The following CHEK1 variants were observed in gnomAD, a reference collection of about 807,000 sequenced individuals.
The protein encoded by CHEK1 is checkpoint kinase 1.
A neutral mutation model predicts 60.2 loss-of-function variants in CHEK1; 32 were observed. That is an observed-to-expected ratio of 0.53 (90% CI 0.40 to 0.71). CHEK1 has a LOEUF of 0.71. Ranked by LOEUF, CHEK1 falls within the 30% of genes least tolerant of loss-of-function variation. CHEK1 has a pLI of 0.00. For missense variants in CHEK1, 399 were observed against 564.6 expected (o/e 0.71, Z 2.97); for synonymous variants, 179 against 187.2 (o/e 0.96, Z 0.36).
At chr11:125,676,377 A>T (rs753602387), downstream of CHEK1, 1 of 1,614,172 alleles carries the variant, frequency 6.2e-7, no homozygotes, top group South Asian at 1.1e-5. Flanking sequence ...ATCTTCTTTA[A>T]CATGCACTGC....
At chr11:125,672,700 T>C (rs752068303) in intron 13 of CHEK1, 3 of 1,614,044 alleles carry the variant, frequency 1.9e-6, no homozygotes, top group Non-Finnish European at 1.7e-6. Context: ...CCTTGAACCA[T>C]GAATTGGAGT....
chr11:125,676,897 T>C (rs1258749300), downstream of CHEK1, among the ~76,000 whole-genome samples: 4 of 152,176 alleles, frequency 2.6e-5, no homozygotes, highest in African/African-American at 7.2e-5. Flanking sequence ...ATAAGCTATG[T>C]TAGAATGCTC....
chr11:125,665,543 G>A (rs890782178), intron 13 of CHEK1, among the ~76,000 whole-genome samples: 4 of 151,960 alleles, frequency 2.6e-5, no homozygotes, highest in Non-Finnish European at 2.9e-5. Context: ...TGAGTAGTTT[G>A]GGTAGAATTG....
intron 13 of CHEK1, among the ~76,000 whole-genome samples, chr11:125,662,823 C>G (rs1382116286): frequency 6.6e-6 from 1 of 152,146 alleles, no homozygotes; most frequent in East Asian, 1.9e-4. Context: ...AATGGCTGTA[C>G]CATTTTATAT....
At chr11:125,658,685 CTTTTT>C (rs67342073), downstream of CHEK1, among the ~76,000 whole-genome samples, 2,244 of 34,966 alleles carry the variant, frequency 0.064, 142 homozygotes, top group African/African-American at 0.21. Flanking sequence ...ATGGCTTTTG[CTTTTT>C]TTTTTTTTTT....
At chr11:125,678,175 A>T, downstream of CHEK1, 3 of 1,614,206 alleles carry the variant, frequency 1.9e-6, no homozygotes, top group Non-Finnish European at 2.5e-6. Flanking sequence ...AGGCCTGAAG[A>T]AGTCTCATAT....
chr11:125,640,870 C>T (rs986389858), intron 8 of CHEK1, among the ~76,000 whole-genome samples: 1 of 152,166 alleles, frequency 6.6e-6, no homozygotes, highest in Non-Finnish European at 1.5e-5. Context: ...CTTAAGCAAT[C>T]CACCCACCCC....
exon 14 of CHEK1, chr11:125,676,190 G>C (rs1220873059): frequency 6.0e-6 from 5 of 835,324 alleles, no homozygotes; most frequent in Non-Finnish European, 9.0e-6. Flanking sequence ...TTTTAGGTGT[G>C]AGCCACCTCG....
downstream of CHEK1, among the ~76,000 whole-genome samples, chr11:125,677,178 A>G (rs1390849292): frequency 6.6e-6 from 1 of 152,244 alleles, no homozygotes; most frequent in Non-Finnish European, 1.5e-5. Context: ...ATTTAGAATA[A>G]TGATATTTAA....
At chr11:125,659,653 C>A (rs1209131744), downstream of CHEK1, among the ~76,000 whole-genome samples, 1 of 151,920 alleles carries the variant, frequency 6.6e-6, no homozygotes, top group Admixed American at 6.6e-5. Flanking sequence ...TTCTGAATTT[C>A]CAGGCCTTTG....
At chr11:125,647,419 A>G (rs759963381) in intron 11 of CHEK1, among the ~76,000 whole-genome samples, 17 of 150,208 alleles carry the variant, frequency 1.1e-4, no homozygotes, top group Non-Finnish European at 1.8e-4. Flanking sequence ...TTACCACACT[A>G]TGTTGATTAC....
At position 125,655,360 on chromosome 11, in the gene CHEK1, C is replaced by A; in HGVS notation, c.*40C>A. 7.3e-7 allele frequency: 1 copy of A among 1,366,794 alleles called. No individual in the cohort carries two copies. The highest frequency in any genetic ancestry group is 1.0e-6 in the Non-Finnish European group (1 of 959,950). 84.7% of individuals were successfully genotyped at this position (1,366,794 alleles called of 1,614,324 possible). ...CTGGGGAATCCTGGTGAATATAGTG[C>A]TGCTATGTTGACATTATTCTTCCTA... is the stretch of plus-strand genomic sequence containing the variant. On this transcript the variant is annotated 3_prime_UTR_variant, in exon 13 of 13. Coordinates refer to ENST00000438015, the MANE Select transcript of CHEK1 (RefSeq NM_001114122.3).
chr11:125,626,701 C>G (rs1341894875), intron 1 of CHEK1, 48 bp from the exon 2 acceptor site: 2 of 1,577,078 alleles, frequency 1.3e-6, no homozygotes, highest in Admixed American at 1.7e-5. Context: ...AGTGGCTTCA[C>G]TGGTGATCTT....
chr11:125,626,422 C>T (rs974174890), intron 1 of CHEK1: 1 of 441,012 alleles, frequency 2.3e-6, no homozygotes, highest in East Asian at 3.7e-5. Context: ...CCCAGACCCC[C>T]ACCTCTCCCT....
intron 11 of CHEK1, among the ~76,000 whole-genome samples, chr11:125,647,080 T>TAGG (rs1322715175): frequency 1.3e-5 from 2 of 152,190 alleles, no homozygotes; most frequent in African/African-American, 2.4e-5. Context: ...TGCTTTCTTT[T>TAGG]AGGAGTCCCA....
chr11:125,677,619 G>A (rs1021228717), downstream of CHEK1, among the ~76,000 whole-genome samples: 30 of 152,248 alleles, frequency 2.0e-4, no homozygotes, highest in African/African-American at 6.5e-4. Context: ...TTAGCTTTCA[G>A]GCTCCCACAT....
chr11:125,649,794 T>A (rs1485943549), intron 11 of CHEK1: 1 of 152,316 alleles, frequency 6.6e-6, no homozygotes, highest in East Asian at 1.9e-4. Context: ...TCTATTCCTA[T>A]CAGTTTAAGT....
intron 11 of CHEK1, among the ~76,000 whole-genome samples, chr11:125,648,109 TTC>T (rs1267927423): frequency 2.3e-5 from 1 of 42,938 alleles, no homozygotes; most frequent in Non-Finnish European, 6.3e-5. Context: ...ATCCTGTTTA[TTC>T]TTTTTTTTTT....
At chr11:125,679,343 G>A (rs1942693794), downstream of CHEK1, among the ~76,000 whole-genome samples, 1 of 150,388 alleles carries the variant, frequency 6.6e-6, no homozygotes, top group Non-Finnish European at 1.5e-5. Flanking sequence ...TCTGCCTCCC[G>A]AGTAGCTGGG....
Sources: allele counts gnomAD v4.1 joint callset (sites outside exome capture counted in the v4.1 genomes callset), GRCh38; gene constraint gnomAD v4.1.1; transcripts MANE v1.5; gene names NCBI Gene and HGNC (gene_info 2026-07-23, HGNC 2026-07-21).